The following ZC3H7B variants were observed in gnomAD, a reference collection of about 807,000 sequenced individuals.
ZC3H7B encodes zinc finger CCCH-type containing 7B, also known as zinc finger CCCH domain-containing protein 7B.
A neutral mutation model predicts 116.0 loss-of-function variants in ZC3H7B; 35 were observed. That is an observed-to-expected ratio of 0.30 (90% CI 0.23 to 0.40). The LOEUF (loss-of-function observed/expected upper bound fraction) is 0.40, where lower values mean the gene tolerates loss of function less well. Among genes scored for constraint, ZC3H7B ranks in the 10% least tolerant of loss-of-function variants. The pLI, the probability that ZC3H7B is intolerant of heterozygous loss-of-function variation, is 1.00. For synonymous variants in ZC3H7B, 502 were observed against 545.6 expected (o/e 0.92, Z 1.11); for missense variants, 1,011 against 1,321.5 (o/e 0.77, Z 3.64).
In ZC3H7B at chr22:41,338,606, C is replaced by T. The variant is rs1348673512; in HGVS notation, c.625+251C>T. 6.6e-6 allele frequency among the ~76,000 whole-genome samples: 1 copy of T among 152,214 alleles called. No individual in the cohort carries two copies. Among genetic ancestry groups the T allele is most frequent in the Admixed American group, 6.5e-5 (1 of 15,290 alleles). ...AGGTGCAACAGTCCCATGGCCTTCACTCCTGGCTGCCTGCACACCCCCACC... is the reference window on the plus strand; with the variant it reads ...AGGTGCAACAGTCCCATGGCCTTCATTCCTGGCTGCCTGCACACCCCCACC... On this transcript the variant is annotated intron_variant, in intron 8 of 22. Transcript: ENST00000352645. The surrounding 1 kb of genome is among the most constrained non-coding windows in gnomAD (Gnocchi z 4.5).
Position 41,325,664 on chromosome 22 carries a change from G to A in ZC3H7B, c.88-57G>A, listed in dbSNP as rs374528429. On this transcript the variant is annotated intron_variant, in intron 3 of 22. Transcript: ENST00000352645. ...GATGTGCAGGGGAGAGGCGTGGGCC[G>A]GGTGCCAGAGCTGGGGCCAGAGGTC... is the stretch of plus-strand genomic sequence containing the variant. The A allele has an allele frequency of 4.8e-4, 769 of 1,607,350 alleles. No homozygotes were observed. In the African/African-American group the frequency reaches 6.7e-3, roughly 14 times the overall value.
chr22:41,339,084 C>T lies in ZC3H7B; in HGVS notation c.709C>T (p.Leu237=), dbSNP rs997275628. 2 of 1,613,220 alleles carry T rather than the reference C, an allele frequency of 1.2e-6. No homozygotes were observed. The highest frequency in any genetic ancestry group is 2.7e-5 in the African/African-American group (2 of 75,034). ...MPLFPHVLDL[L]APLDSSRTLP... is the part of the protein sequence containing the mutation. ...CCTGTTCCCTCACGTTCTGGACCTG[C>T]TGGCCCCCCTGGACAGCAGCAGGAC... Residue 237 remains leucine, a synonymous_variant, in exon 9 of 23, where the codon CTG becomes TTG. Transcript: ENST00000352645.
At chr22:41,340,919 C>T (rs949624727) in intron 10 of ZC3H7B, among the ~76,000 whole-genome samples, 169 bp from the exon 11 acceptor site, 2 of 152,082 alleles carry the variant, frequency 1.3e-5, no homozygotes, top group Non-Finnish European at 2.9e-5. Flanking sequence ...GGCGTCTTTG[C>T]CCCTGGGGAG....
intron 5 of ZC3H7B, among the ~76,000 whole-genome samples, chr22:41,328,478 A>C (rs1202770463): frequency 6.6e-6 from 1 of 152,140 alleles, no homozygotes; most frequent in Non-Finnish European, 1.5e-5. Context: ...GTGAGGTAGG[A>C]GGTAGACACG....
Position 41,337,052 on chromosome 22 carries a change from C to G in ZC3H7B, c.583-1261C>G, listed in dbSNP as rs1054996134. On this transcript the variant is annotated intron_variant, in intron 7 of 22. Coordinates refer to ENST00000352645, the MANE Select transcript of ZC3H7B (RefSeq NM_017590.6). ...TTGGGAGGCTGAGGCAGGAGAATCG[C>G]TTGAACCTGGGAGGCAGAGGTTTCG... Among the ~76,000 whole-genome samples the G allele has an allele frequency of 2.6e-5, 4 of 152,272 alleles. No homozygotes were observed. The East Asian group carries it at 7.7e-4, about 29-fold the overall frequency.
chr22:41,343,390 T>C, intron 12 of ZC3H7B, 25 bp from the exon 13 acceptor site: 2 of 1,590,672 alleles, frequency 1.3e-6, no homozygotes, highest in East Asian at 2.3e-5. Context: ...TCCGGAATTA[T>C]CATGTGTGTC....
At chr22:41,356,957 G>A (rs1206659678) in intron 22 of ZC3H7B, 149 bp downstream of exon 22, 2 of 1,352,782 alleles carry the variant, frequency 1.5e-6, no homozygotes, top group Non-Finnish European at 1.0e-6. Flanking sequence ...TGGTGGGGAA[G>A]GGTGGATGGG....
Position 41,327,150 on chromosome 22 carries a change from C to A in ZC3H7B, c.286-56C>A. 1 of 1,595,568 alleles carries A rather than the reference C, an allele frequency of 6.3e-7. No homozygotes were observed. The highest frequency in any genetic ancestry group is 8.6e-7 in the Non-Finnish European group (1 of 1,169,330). Reference sequence around the variant, plus strand: ...TCCTTCCTAGGCAGGGGCAGGAGGCCTGGGGGAGGGAGGGTAACAGGTGTT... The same window carrying A: ...TCCTTCCTAGGCAGGGGCAGGAGGCATGGGGGAGGGAGGGTAACAGGTGTT... On this transcript the variant is annotated intron_variant, in intron 4 of 22. Transcript: ENST00000352645. The surrounding 1 kb of genome is among the most constrained non-coding windows in gnomAD (Gnocchi z 4.5).
intron 1 of ZC3H7B, among the ~76,000 whole-genome samples, chr22:41,310,973 G>C (rs1003981802): frequency 6.6e-6 from 1 of 151,700 alleles, no homozygotes; most frequent in African/African-American, 2.4e-5. Context: ...CACCGTGTTA[G>C]CCAGGATGGT....
At chr22:41,345,974 G>C in intron 13 of ZC3H7B, 29 bp from the exon 14 acceptor site, 1 of 1,612,852 alleles carries the variant, frequency 6.2e-7, no homozygotes, top group Non-Finnish European at 8.5e-7. Context: ...CCCGCCTGGC[G>C]GAACGTGTGT....
chr22:41,320,555 T>C (rs1601770224), intron 1 of ZC3H7B, 100 bp from the exon 2 acceptor site: 1 of 1,321,144 alleles, frequency 7.6e-7, no homozygotes, highest in Non-Finnish European at 1.1e-6. Flanking sequence ...GGAATGAGAG[T>C]GGGAGTGAGA....
At chr22:41,303,245 A>T (rs564684964) in intron 1 of ZC3H7B, among the ~76,000 whole-genome samples, 2 of 152,304 alleles carry the variant, frequency 1.3e-5, no homozygotes, top group South Asian at 4.1e-4. Flanking sequence ...GGAAGAAAGA[A>T]CCTGTCCAGG....
At chr22:41,336,873 G>A (rs1283586702) in intron 7 of ZC3H7B, 1 of 151,120 alleles carries the variant, frequency 6.6e-6, no homozygotes, top group Non-Finnish European at 1.5e-5. Flanking sequence ...TGGTGGCTCA[G>A]GCCTGTAATC....
intron 1 of ZC3H7B, among the ~76,000 whole-genome samples, chr22:41,316,874 G>T (rs1409349341): frequency 1.3e-5 from 2 of 151,676 alleles, no homozygotes; most frequent in African/African-American, 4.8e-5. Context: ...GAAGAGTCTT[G>T]CTCTGTCGCC....
Position 41,351,481 on chromosome 22 carries a change from C to A in ZC3H7B, c.1949-80C>A. 3.0e-6 allele frequency: 4 copies of A among 1,348,294 alleles called. No homozygotes were observed. Among genetic ancestry groups the A allele is most frequent in the Non-Finnish European group, 4.1e-6 (4 of 976,780 alleles). 83.5% of individuals were successfully genotyped at this position (1,348,294 alleles called of 1,614,324 possible). On this transcript the variant is annotated intron_variant, in intron 16 of 22. Transcript: ENST00000352645. The surrounding 1 kb of genome is among the most constrained non-coding windows in gnomAD (Gnocchi z 5.1). ...CTCCTCCAGCTGGGCCTCGGGGGTCCCTGGCACCTCGTGGACCCCCTGCCT... is the reference window on the plus strand; with the variant it reads ...CTCCTCCAGCTGGGCCTCGGGGGTCACTGGCACCTCGTGGACCCCCTGCCT...
rs745843459 is a variant in ZC3H7B at position 41,332,200 on chromosome 22, C to T, written c.555C>T (p.Asn185=). 2.9e-5 allele frequency: 47 copies of T among 1,614,082 alleles called. No individual in the cohort carries two copies. Among genetic ancestry groups the T allele is most frequent in the South Asian group, 1.3e-4 (12 of 91,082 alleles). ...TGGAAACCTTTTCTCTGCTCAGTAA[C>T]GGCACTGCGGCTGGCGTGGCAGATC... ...QELETFSLLS[N]GTAAGVADQG... is the part of the protein sequence containing the mutation. Residue 185 remains asparagine, a synonymous_variant, in exon 7 of 23, where the codon AAC becomes AAT. Transcript: ENST00000352645.
At chr22:41,319,764 A>C (rs1390804524) in intron 1 of ZC3H7B, among the ~76,000 whole-genome samples, 1 of 152,140 alleles carries the variant, frequency 6.6e-6, no homozygotes, top group African/African-American at 2.4e-5. Flanking sequence ...CACAGTGGCT[A>C]ACGCCTGTAA....
intron 1 of ZC3H7B, among the ~76,000 whole-genome samples, chr22:41,320,252 G>A (rs540418603): frequency 6.6e-6 from 1 of 151,178 alleles, no homozygotes; most frequent in South Asian, 2.1e-4. Flanking sequence ...AGGATCACTT[G>A]AACCCAGGAA....
chr22:41,306,050 A>G (rs1470962020), intron 1 of ZC3H7B, among the ~76,000 whole-genome samples: 1 of 152,216 alleles, frequency 6.6e-6, no homozygotes, highest in Non-Finnish European at 1.5e-5. Context: ...AGAGGCATTG[A>G]GATGGACAAA....
Sources: allele counts gnomAD v4.1 joint callset (sites outside exome capture counted in the v4.1 genomes callset), GRCh38; gene constraint gnomAD v4.1.1; non-coding constraint Gnocchi (gnomAD v3.1); transcripts MANE v1.5; gene names NCBI Gene and HGNC (gene_info 2026-07-23, HGNC 2026-07-21).